CTIF: variants seen among roughly 807,000 people sequenced by gnomAD.
The protein encoded by CTIF is cap binding complex dependent translation initiation factor.
Under a neutral mutation model 66.0 loss-of-function variants are expected in CTIF, and 21 were observed. That is an observed-to-expected ratio of 0.32 (90% confidence interval 0.23 to 0.46). CTIF has a LOEUF of 0.46. CTIF is among the 20% of genes least tolerant of loss of function. The pLI is 1.00. For synonymous variants in CTIF, 345 were observed against 326.4 expected (o/e 1.06, Z -0.62); for missense variants, 739 against 812.7 (o/e 0.91, Z 1.10).
chr18:48,607,640 T>TTA (rs1399851047), intron 1 of CTIF, among the ~76,000 whole-genome samples: 1 of 152,178 alleles, frequency 6.6e-6, no homozygotes, highest in Non-Finnish European at 1.5e-5. Flanking sequence ...AGCTCATAGT[T>TTA]TAGCTGGGGA....
At chr18:48,630,950 T>C (rs2090700065) in intron 2 of CTIF, among the ~76,000 whole-genome samples, 1 of 152,162 alleles carries the variant, frequency 6.6e-6, no homozygotes, top group Non-Finnish European at 1.5e-5. Context: ...GTGCTGGGAT[T>C]ACAGGCATGA....
At chr18:48,608,925 T>C (rs1238008002) in intron 1 of CTIF, among the ~76,000 whole-genome samples, 2 of 152,198 alleles carry the variant, frequency 1.3e-5, no homozygotes, top group Non-Finnish European at 2.9e-5. Flanking sequence ...GCCACCACAC[T>C]TGGATGCCCT....
At chr18:48,705,108 C>T (rs1317383572) in intron 6 of CTIF, among the ~76,000 whole-genome samples, 2 of 152,230 alleles carry the variant, frequency 1.3e-5, no homozygotes, top group African/African-American at 4.8e-5. Flanking sequence ...GAAGCAGGTT[C>T]ATCCTTCAGG....
intron 9 of CTIF, among the ~76,000 whole-genome samples, chr18:48,788,240 GAAA>G (rs1911894668): frequency 6.6e-6 from 1 of 152,192 alleles, no homozygotes; most frequent in Non-Finnish European, 1.5e-5. Context: ...GCCTGAGCTG[GAAA>G]CATGCTCAGG....
chr18:48,594,219 G>A (rs752873053), intron 1 of CTIF, among the ~76,000 whole-genome samples: 1 of 152,114 alleles, frequency 6.6e-6, no homozygotes. Flanking sequence ...CACCCCATGC[G>A]GATGCACGGG....
At chr18:48,694,274 C>G (rs1324568569) in intron 6 of CTIF, among the ~76,000 whole-genome samples, 1 of 152,222 alleles carries the variant, frequency 6.6e-6, no homozygotes, top group Non-Finnish European at 1.5e-5. Flanking sequence ...GGAATGGACG[C>G]TATTCCTGCC....
At chr18:48,739,054 C>T (rs973760104) in intron 7 of CTIF, among the ~76,000 whole-genome samples, 9 of 152,168 alleles carry the variant, frequency 5.9e-5, no homozygotes, top group Non-Finnish European at 1.2e-4. Context: ...AGGTCAGCTC[C>T]CACTGTCCAC....
At chr18:48,598,917 C>T (rs2090037765) in intron 1 of CTIF, among the ~76,000 whole-genome samples, 1 of 152,204 alleles carries the variant, frequency 6.6e-6, no homozygotes, top group South Asian at 2.1e-4. Flanking sequence ...CCCAGCAAGA[C>T]TCTTTCTCAC....
intron 1 of CTIF, among the ~76,000 whole-genome samples, chr18:48,562,728 C>G (rs1244079024): frequency 3.9e-5 from 6 of 152,204 alleles, no homozygotes; most frequent in Non-Finnish European, 7.3e-5. Context: ...CAAATAGACT[C>G]ATTTTTATCG....
At chr18:48,774,701 A>G (rs926448505) in intron 9 of CTIF, among the ~76,000 whole-genome samples, 5 of 152,144 alleles carry the variant, frequency 3.3e-5, no homozygotes, top group African/African-American at 1.2e-4. Context: ...ATTCACACCT[A>G]GACCCATTAA....
At chr18:48,750,078 T>TA in intron 7 of CTIF, among the ~76,000 whole-genome samples, 1 of 152,202 alleles carries the variant, frequency 6.6e-6, no homozygotes, top group Admixed American at 6.5e-5. Flanking sequence ...ACAAAAATAA[T>TA]ACCTCGTATT....
At chr18:48,757,567 A>G (rs1455325401) in intron 7 of CTIF, among the ~76,000 whole-genome samples, 2 of 152,234 alleles carry the variant, frequency 1.3e-5, no homozygotes, top group Non-Finnish European at 2.9e-5. Flanking sequence ...CAAAGGCCAT[A>G]TGTGATGACA....
chr18:48,715,144 G>A lies in CTIF; in HGVS notation c.584+3449G>A, dbSNP rs78479665. On this transcript the variant is annotated intron_variant, in intron 7 of 11. Transcript: ENST00000256413. Reference sequence around the variant, plus strand: ...TACCCACACTGTCAGAGGGGGCAGAGCCTGGGCTAGCAGGGAAGGAGGCCC... The same window carrying A: ...TACCCACACTGTCAGAGGGGGCAGAACCTGGGCTAGCAGGGAAGGAGGCCC... 4.9e-3 allele frequency among the ~76,000 whole-genome samples: 747 copies of A among 152,306 alleles called. 4 individuals are homozygous for A. Among genetic ancestry groups the A allele is most frequent in the African/African-American group, 0.016 (672 of 41,552 alleles).
rs569470191 is a variant in CTIF at position 48,648,317 on chromosome 18, A to G, written c.252+11632A>G. Among the ~76,000 whole-genome samples, 8 of 152,116 alleles carry G rather than the reference A, an allele frequency of 5.3e-5. No individual in the cohort carries two copies. In the East Asian group the frequency reaches 1.2e-3, roughly 22 times the overall value. The stretch of plus-strand genomic sequence containing the variant: ...GACACAGATGTCCCAGCATGAAAGG[A>G]ATGGCCTTTCCCTCTCCCAGACTCA... On this transcript the variant is annotated intron_variant, in intron 3 of 11. Transcript: ENST00000256413.
At position 48,612,660 on chromosome 18, in the gene CTIF, C is replaced by T. The variant is rs984121584; in HGVS notation, c.-28-6878C>T. Among the ~76,000 whole-genome samples, 13 of 152,340 alleles carry T rather than the reference C, an allele frequency of 8.5e-5. No individual in the cohort carries two copies. In the South Asian group the frequency reaches 1.9e-3, roughly 22 times the overall value. On this transcript the variant is annotated intron_variant, in intron 1 of 11. Transcript: ENST00000256413. ...TAGCAGCAGGAGAGCAGGGACAACA[C>T]TCTGGGCCCCATTGCCCACCACAGC... is the stretch of plus-strand genomic sequence containing the variant.
intron 7 of CTIF, among the ~76,000 whole-genome samples, chr18:48,742,103 A>G (rs2092559622): frequency 6.6e-6 from 1 of 152,178 alleles, no homozygotes; most frequent in Admixed American, 6.5e-5. Context: ...GGCCATAAAC[A>G]AGGAGACATT....
chr18:48,581,482 T>C (rs1456108928), intron 1 of CTIF, among the ~76,000 whole-genome samples: 1 of 152,208 alleles, frequency 6.6e-6, no homozygotes, highest in African/African-American at 2.4e-5. Context: ...CTCCTCTTCT[T>C]GCTGTGTCCC....
rs957780669 is a variant in CTIF at position 48,544,852 on chromosome 18, G to A, written c.-29+5540G>A. Among the ~76,000 whole-genome samples the A allele has an allele frequency of 3.3e-5, 5 of 152,222 alleles. No individual in the cohort carries two copies. The East Asian group carries it at 7.7e-4, about 23-fold the overall frequency. On this transcript the variant is annotated intron_variant, in intron 1 of 11. Coordinates refer to ENST00000256413, the MANE Select transcript of CTIF (RefSeq NM_014772.3). ...GCCTGTCTTTGTGCTAGGCCCTGGGGCTATGACAGTGAACAGGTACAGCCC... is the reference window on the plus strand; with the variant it reads ...GCCTGTCTTTGTGCTAGGCCCTGGGACTATGACAGTGAACAGGTACAGCCC...
intron 2 of CTIF, among the ~76,000 whole-genome samples, chr18:48,626,588 C>CA (rs2090603794): frequency 6.9e-6 from 1 of 144,186 alleles, no homozygotes; most frequent in South Asian, 2.4e-4. Flanking sequence ...ACTTGTGATC[C>CA]CCTCCCATGG....
Sources: allele counts gnomAD v4.1 joint callset (sites outside exome capture counted in the v4.1 genomes callset), GRCh38; gene constraint gnomAD v4.1.1; transcripts MANE v1.5; gene names NCBI Gene and HGNC (gene_info 2026-07-23, HGNC 2026-07-21).